Variants in ITGAV observed in about 807,000 individuals in gnomAD.
ITGAV encodes the protein integrin alpha-V.
A neutral mutation model predicts 143.8 loss-of-function variants in ITGAV; 76 were observed. That is an observed-to-expected ratio of 0.53 (90% CI 0.44 to 0.64). ITGAV has a LOEUF of 0.64. Among genes scored for constraint, ITGAV ranks in the 30% least tolerant of loss-of-function variants. ITGAV has a pLI of 0.00. For synonymous variants in ITGAV, 453 were observed against 446.7 expected, an observed-to-expected ratio of 1.01 and a Z score of -0.18; for missense variants, 1,193 against 1,274.7, an observed-to-expected ratio of 0.94 and a Z score of 0.98.
At position 186,630,784 on chromosome 2, in the gene ITGAV, CTT is replaced by C. The variant is rs751209397; in HGVS notation, c.524-9_524-8del. The C allele has an allele frequency of 6.7e-7, 1 of 1,492,942 alleles. No homozygotes were observed. Among genetic ancestry groups the C allele is most frequent in the South Asian group, 1.2e-5 (1 of 86,242 alleles). 92.5% of individuals were successfully genotyped at this position (1,492,942 alleles called of 1,614,324 possible). A position where few individuals can be genotyped will look rare whatever the true frequency, so the allele number is the denominator to read the frequency against. On this transcript the variant is annotated splice_polypyrimidine_tract_variant and intron_variant, in intron 4 of 29. Coordinates refer to ENST00000261023, the MANE Select transcript of ITGAV (RefSeq NM_002210.5). ...TTTTGGGTTTGTGTATATTTCCAATCTTTTTATTTTAGAAGATATTGATGCTG... is the reference window on the plus strand; with the variant it reads ...TTTTGGGTTTGTGTATATTTCCAATCTTTATTTTAGAAGATATTGATGCTG...
In ITGAV at chr2:186,678,727, C is replaced by G. The variant is rs768439086; in HGVS notation, c.*1435C>G. On this transcript the variant is annotated 3_prime_UTR_variant, in exon 30 of 30. Transcript: ENST00000261023. ...GCCTGGGGATGATGATCAGTTATACCTATTTTTGTGCAATTACATCATGTT... is the reference window on the plus strand; with the variant it reads ...GCCTGGGGATGATGATCAGTTATACGTATTTTTGTGCAATTACATCATGTT... The G allele has an allele frequency of 2.2e-6, 1 of 455,646 alleles. No homozygotes were observed. Among genetic ancestry groups the G allele is most frequent in the Non-Finnish European group, 4.4e-6 (1 of 226,288 alleles). The allele number at this position is 455,646 out of a possible 1,614,324, so 28.2% of individuals were successfully genotyped here.
intron 1 of ITGAV, among the ~76,000 whole-genome samples, chr2:186,594,512 T>A (rs1466001524): frequency 6.6e-6 from 1 of 152,208 alleles, no homozygotes; most frequent in Non-Finnish European, 1.5e-5. Context: ...TCAGTGGCAC[T>A]CAGGTCCTCC....
At chr2:186,590,721 T>TA (rs774404425) in intron 1 of ITGAV, among the ~76,000 whole-genome samples, 198 bp downstream of exon 1, 1 of 152,202 alleles carries the variant, frequency 6.6e-6, no homozygotes, top group Non-Finnish European at 1.5e-5. Context: ...ATCACCCAGT[T>TA]ACACCCCGCT....
intron 4 of ITGAV, among the ~76,000 whole-genome samples, chr2:186,628,327 T>G (rs769165173): frequency 2.0e-5 from 3 of 152,184 alleles, no homozygotes; most frequent in Non-Finnish European, 4.4e-5. Context: ...GTTGTTGTTG[T>G]TGGTTAGTTA....
chr2:186,595,010 G>C (rs973260785), intron 1 of ITGAV, among the ~76,000 whole-genome samples: 1 of 152,164 alleles, frequency 6.6e-6, no homozygotes, highest in African/African-American at 2.4e-5. Flanking sequence ...TGTAGTTACT[G>C]CTTCTGTTTT....
At chr2:186,630,494 T>C (rs141019947) in intron 4 of ITGAV, among the ~76,000 whole-genome samples, 1 of 152,052 alleles carries the variant, frequency 6.6e-6, no homozygotes, top group Non-Finnish European at 1.5e-5. Context: ...GGTTGTGATA[T>C]AAATTATAAT....
Position 186,667,184 on chromosome 2 carries a change from T to A in ITGAV, c.2281T>A (p.Ser761Thr). Residue 761 changes from serine to threonine, a missense_variant, in exon 23 of 30, where the codon TCT becomes ACT. By Grantham distance (58) the Ser-to-Thr change is moderately conservative. Transcript: ENST00000261023. ...NLFDKVSPVV[S>T]HKVDLAVLAA... ...ATTTGACAAAGTAAGCCCAGTTGTATCTCACAAAGTTGATCTTGCTGTTTT... is the reference window on the plus strand; with the variant it reads ...ATTTGACAAAGTAAGCCCAGTTGTAACTCACAAAGTTGATCTTGCTGTTTT... 6.2e-7 allele frequency: 1 copy of A among 1,612,738 alleles called. No homozygotes were observed. Among genetic ancestry groups the A allele is most frequent in the Middle Eastern group, 1.7e-4 (1 of 6,008 alleles).
chr2:186,630,939 C>T (rs1687800023), intron 5 of ITGAV, 81 bp downstream of exon 5: 2 of 680,704 alleles, frequency 2.9e-6, no homozygotes, highest in Non-Finnish European at 5.2e-6. Context: ...TGGTCAATAC[C>T]TCAACTCCTT....
Position 186,674,253 on chromosome 2 carries a change from G to T in ITGAV, c.2707-1351G>T, listed in dbSNP as rs78877830. ...GGTTTCCTAAAGTGTTGAAGTTACA[G>T]GTGTGAGCCACTGCTCTTGACCTCA... On this transcript the variant is annotated intron_variant, in intron 26 of 29. Coordinates refer to ENST00000261023, the MANE Select transcript of ITGAV (RefSeq NM_002210.5). Among the ~76,000 whole-genome samples, 84 of 152,208 alleles carry T rather than the reference G, an allele frequency of 5.5e-4. No individual in the cohort carries two copies. In the East Asian group the frequency reaches 9.5e-3, roughly 17 times the overall value.
At chr2:186,650,670 C>T (rs549838849) in intron 14 of ITGAV, among the ~76,000 whole-genome samples, 37 of 151,982 alleles carry the variant, frequency 2.4e-4, no homozygotes, top group African/African-American at 8.4e-4. Context: ...CTCAGCCTCC[C>T]GAGTAGCTGG....
intron 26 of ITGAV, chr2:186,670,067 A>T (rs1035986451): frequency 4.8e-6 from 2 of 414,362 alleles, no homozygotes; most frequent in Admixed American, 4.4e-5. Flanking sequence ...CTAGTTCTTT[A>T]ACTGTCCTCT....
intron 5 of ITGAV, among the ~76,000 whole-genome samples, 188 bp downstream of exon 5, chr2:186,631,046 T>A (rs867076008): frequency 2.0e-5 from 3 of 152,158 alleles, no homozygotes; most frequent in Non-Finnish European, 4.4e-5. Context: ...TAAACATTGC[T>A]TATTTGAAAT....
chr2:186,592,611 A>G (rs1168623461), intron 1 of ITGAV, among the ~76,000 whole-genome samples: 1 of 151,848 alleles, frequency 6.6e-6, no homozygotes, highest in East Asian at 1.9e-4. Flanking sequence ...GTGATGTTGA[A>G]CTCTTCATGA....
chr2:186,668,839 T>G lies in ITGAV; in HGVS notation c.2511T>G (p.Thr837=). 4.3e-6 allele frequency: 7 copies of G among 1,612,864 alleles called. No homozygotes were observed. The highest frequency in any genetic ancestry group is 5.9e-6 in the Non-Finnish European group (7 of 1,179,018). Residue 837 remains threonine, a synonymous_variant, in exon 25 of 30, where the codon ACT becomes ACG. Transcript: ENST00000261023. ...LQWPYKYNNN[T]LLYILHYDID... is the part of the protein sequence containing the mutation. ...GGCCTTACAAATATAATAATAACAC[T>G]CTGTTGTATATCCTTCATTATGATA...
chr2:186,591,930 A>G (rs1052582549), intron 1 of ITGAV, among the ~76,000 whole-genome samples: 1 of 152,192 alleles, frequency 6.6e-6, no homozygotes, highest in Non-Finnish European at 1.5e-5. Context: ...CCATTTAGTC[A>G]TTTTAGTCAG....
chr2:186,628,778 C>G (rs1294381887), intron 4 of ITGAV, among the ~76,000 whole-genome samples: 1 of 152,032 alleles, frequency 6.6e-6, no homozygotes, highest in Non-Finnish European at 1.5e-5. Flanking sequence ...ATAGATTTTT[C>G]TCAGTAATGA....
At chr2:186,615,548 C>T (rs1290003322) in intron 2 of ITGAV, among the ~76,000 whole-genome samples, 3 of 151,958 alleles carry the variant, frequency 2.0e-5, no homozygotes, top group Non-Finnish European at 4.4e-5. Context: ...TGCATTTACC[C>T]GATGATGAAT....
chr2:186,654,763 TA>T (rs931572692), intron 16 of ITGAV, 55 bp downstream of exon 16: 26 of 718,770 alleles, frequency 3.6e-5, no homozygotes, highest in Non-Finnish European at 6.1e-5. Context: ...ACACAGCACT[TA>T]AAAAATATTT....
At chr2:186,594,658 C>T (rs529423491) in intron 1 of ITGAV, among the ~76,000 whole-genome samples, 1 of 152,260 alleles carries the variant, frequency 6.6e-6, no homozygotes, top group African/African-American at 2.4e-5. Flanking sequence ...GCTTCCATTG[C>T]CAGCAAGAAA....
Sources: gnomAD v4.1 joint callset for allele counts (sites outside exome capture counted in the v4.1 genomes callset) on GRCh38, gnomAD v4.1.1 for gene constraint, MANE v1.5 for transcripts, NCBI Gene and HGNC (gene_info 2026-07-23, HGNC 2026-07-21) for gene names.